XRN1: variants seen among roughly 807,000 people sequenced by gnomAD.
XRN1 encodes 5'-3' exoribonuclease 1.
In XRN1, 67 loss-of-function variants were observed where a neutral mutation model predicts 222.3. The observed-to-expected ratio is 0.30, with a 90% CI of 0.25 to 0.37. The LOEUF is 0.37. Ranked by LOEUF, XRN1 falls within the 10% of genes least tolerant of loss-of-function variation. The pLI, the probability that XRN1 is intolerant of heterozygous loss-of-function variation, is 1.00. For synonymous variants in XRN1, 643 were observed against 652.4 expected (o/e 0.99, Z 0.22); for missense variants, 1,707 against 2,000.2 (o/e 0.85, Z 2.80).
At chr3:142,407,340 T>C (rs922122518) in intron 15 of XRN1, among the ~76,000 whole-genome samples, 8 of 152,212 alleles carry the variant, frequency 5.3e-5, no homozygotes, top group Non-Finnish European at 4.4e-5. Flanking sequence ...AATTTATTTA[T>C]TTATTTATTT....
chr3:142,374,780 T>G (rs1479482615), intron 25 of XRN1, among the ~76,000 whole-genome samples: 1 of 152,108 alleles, frequency 6.6e-6, no homozygotes, highest in Non-Finnish European at 1.5e-5. Context: ...GATGGTAATA[T>G]GGGATTGAAT....
chr3:142,330,197 A>C lies in XRN1; in HGVS notation c.4223-582T>G, dbSNP rs566833712. Among the ~76,000 whole-genome samples, 4 of 152,338 alleles carry C rather than the reference A, an allele frequency of 2.6e-5. No homozygotes were observed. The South Asian group carries it at 6.2e-4, about 24-fold the overall frequency. Reference sequence around the variant, plus strand: ...AGAAGAGAAAAATAAAAGAATGAATAAACAAATGGCTTTCTTGAGCTGAAA... The same window carrying C: ...AGAAGAGAAAAATAAAAGAATGAATCAACAAATGGCTTTCTTGAGCTGAAA... On this transcript the variant is annotated intron_variant, in intron 36 of 40. Transcript: ENST00000392981.
intron 13 of XRN1, among the ~76,000 whole-genome samples, chr3:142,414,540 G>T (rs2068712427): frequency 6.6e-6 from 1 of 150,668 alleles, no homozygotes; most frequent in Admixed American, 6.6e-5. Flanking sequence ...CTGTTGCCCA[G>T]GCTGGAGTGC....
intron 33 of XRN1, among the ~76,000 whole-genome samples, chr3:142,340,287 G>T (rs1009534056): frequency 6.6e-6 from 1 of 151,862 alleles, no homozygotes; most frequent in African/African-American, 2.4e-5. Context: ...CCCAGGAGGC[G>T]GAGGTAGCGG....
chr3:142,344,190 TA>T (rs1287557078), intron 33 of XRN1, among the ~76,000 whole-genome samples: 1 of 152,088 alleles, frequency 6.6e-6, no homozygotes, highest in Non-Finnish European at 1.5e-5. Flanking sequence ...GTGACTATAA[TA>T]AAAATAATTG....
At chr3:142,369,396 C>T (rs1225679273) in intron 27 of XRN1, among the ~76,000 whole-genome samples, 2 of 152,020 alleles carry the variant, frequency 1.3e-5, no homozygotes, top group African/African-American at 4.8e-5. Flanking sequence ...TCTGTAATCC[C>T]AGCACTTTGG....
intron 1 of XRN1, among the ~76,000 whole-genome samples, chr3:142,446,931 T>G (rs1304312499): frequency 6.6e-6 from 1 of 152,232 alleles, no homozygotes. Context: ...ATAGGCTATT[T>G]ACAATACTAC....
At chr3:142,338,663 T>A (rs1472406332) in intron 33 of XRN1, among the ~76,000 whole-genome samples, 2 of 152,136 alleles carry the variant, frequency 1.3e-5, no homozygotes, top group Non-Finnish European at 2.9e-5. Context: ...GGGTCCCCAA[T>A]TCCAGGGTGT....
In XRN1 at chr3:142,328,809, A is replaced by G. The variant is rs186520916; in HGVS notation, c.4404+625T>C. On this transcript the variant is annotated intron_variant, in intron 37 of 40. Coordinates refer to ENST00000392981, the MANE Select transcript of XRN1 (RefSeq NM_001282857.2). ...GGTCTTGCTCTGTTGCCCAGGCTGG[A>G]GTGCAATGGCATAATCGTGGCTCAC... Among the ~76,000 whole-genome samples the G allele has an allele frequency of 5.9e-3, 780 of 131,996 alleles. 12 individuals are homozygous for G. Among genetic ancestry groups the G allele is most frequent in the African/African-American group, 0.02 (743 of 36,656 alleles). 86.6% of individuals were successfully genotyped at this position (131,996 alleles called of 152,430 possible). A position where few individuals can be genotyped will look rare whatever the true frequency, so the allele number is the denominator to read the frequency against.
At chr3:142,376,659 T>A (rs933012586) in intron 23 of XRN1, 65 bp from the exon 24 acceptor site, 1 of 1,194,718 alleles carries the variant, frequency 8.4e-7, no homozygotes, top group Non-Finnish European at 1.2e-6. Context: ...GTTATTTCTT[T>A]ACCTTTAAAA....
At chr3:142,344,328 T>C (rs2066079752) in intron 33 of XRN1, among the ~76,000 whole-genome samples, 1 of 152,064 alleles carries the variant, frequency 6.6e-6, no homozygotes, top group Admixed American at 6.6e-5. Context: ...TAACAAAATA[T>C]CTCATGTAAC....
chr3:142,437,562 T>C (rs538335729), intron 1 of XRN1, among the ~76,000 whole-genome samples: 5 of 152,344 alleles, frequency 3.3e-5, no homozygotes, highest in Non-Finnish European at 5.9e-5. Flanking sequence ...CTATATTCTT[T>C]CCTCTTTCTA....
chr3:142,362,985 G>C (rs977082643), intron 29 of XRN1, among the ~76,000 whole-genome samples: 7 of 151,870 alleles, frequency 4.6e-5, no homozygotes, highest in Non-Finnish European at 8.8e-5. Context: ...TTGTTACCCA[G>C]GCTGGTCTCA....
chr3:142,359,232 A>G (rs745615533), intron 30 of XRN1, among the ~76,000 whole-genome samples: 11 of 152,098 alleles, frequency 7.2e-5, no homozygotes, highest in Non-Finnish European at 1.5e-4. Context: ...TAAACCTCCT[A>G]ACCTCCAGTT....
chr3:142,435,475 T>G (rs141967079), intron 1 of XRN1: 36 of 147,270 alleles, frequency 2.4e-4, no homozygotes, highest in African/African-American at 8.5e-4. Context: ...AAGAGCAAAT[T>G]TTTGACTGGG....
At chr3:142,444,472 G>A (rs533844149) in intron 1 of XRN1, among the ~76,000 whole-genome samples, 20 of 152,258 alleles carry the variant, frequency 1.3e-4, no homozygotes, top group Middle Eastern at 6.8e-3. Flanking sequence ...TTAGCTAGGC[G>A]TAGTGGCACA....
chr3:142,384,771 C>T (rs2067432487), intron 20 of XRN1, 86 bp from the exon 21 acceptor site: 1 of 1,039,440 alleles, frequency 9.6e-7, no homozygotes, highest in Non-Finnish European at 1.4e-6. Flanking sequence ...CGTAAACTAT[C>T]AACTCATAAT....
At chr3:142,322,919 C>T (rs930289850) in intron 37 of XRN1, among the ~76,000 whole-genome samples, 17 of 152,110 alleles carry the variant, frequency 1.1e-4, no homozygotes, top group Admixed American at 3.3e-4. Flanking sequence ...AGGATAATCG[C>T]TTGAACCCGG....
At chr3:142,435,609 T>A (rs2069850339) in intron 1 of XRN1, among the ~76,000 whole-genome samples, 1 of 150,978 alleles carries the variant, frequency 6.6e-6, no homozygotes, top group Admixed American at 6.6e-5. Flanking sequence ...AATACAAAAA[T>A]TAGCCTGGGT....
Sources: allele counts gnomAD v4.1 joint callset (sites outside exome capture counted in the v4.1 genomes callset), GRCh38; gene constraint gnomAD v4.1.1; transcripts MANE v1.5; gene names NCBI Gene and HGNC (gene_info 2026-07-23, HGNC 2026-07-21).